SPECC1: variants seen among roughly 807,000 people sequenced by gnomAD.
SPECC1 encodes cytospin-B.
A neutral mutation model predicts 104.1 loss-of-function variants in SPECC1; 62 were observed. That is an observed-to-expected ratio of 0.60 (90% CI 0.49 to 0.74). The LOEUF (loss-of-function observed/expected upper bound fraction) is 0.74. Among genes scored for constraint, SPECC1 ranks in the 30% least tolerant of loss-of-function variants. SPECC1 has a pLI of 0.00. For missense variants in SPECC1, 1,306 were observed against 1,310.5 expected (o/e 1.00, Z 0.05); for synonymous variants, 513 against 501.6 (o/e 1.02, Z -0.30).
chr17:20,043,118 C>T (rs1227543462), intron 1 of SPECC1, among the ~76,000 whole-genome samples: 1 of 152,174 alleles, frequency 6.6e-6, no homozygotes, highest in African/African-American at 2.4e-5. Context: ...TGGAGCGTCT[C>T]ATGGTCAGAA....
At chr17:20,068,973 A>G (rs1186805863) in intron 1 of SPECC1, among the ~76,000 whole-genome samples, 1 of 151,880 alleles carries the variant, frequency 6.6e-6, no homozygotes, top group Admixed American at 6.6e-5. Context: ...CTTTTTTTTA[A>G]CTTATTTTAG....
intron 9 of SPECC1, among the ~76,000 whole-genome samples, chr17:20,249,833 C>G (rs977780152): frequency 3.9e-5 from 6 of 152,052 alleles, no homozygotes; most frequent in South Asian, 2.1e-4. Context: ...ATAAAAAAAT[C>G]TCATGTGTAA....
At chr17:20,231,721 A>G (rs1370254055) in intron 5 of SPECC1, 37 bp from the exon 6 acceptor site, 11 of 1,603,126 alleles carry the variant, frequency 6.9e-6, no homozygotes, top group South Asian at 1.1e-5. Context: ...AGAGTCTCAC[A>G]GCTTTTCTAA....
chr17:20,309,068 T>C (rs1795024199), intron 14 of SPECC1, among the ~76,000 whole-genome samples: 1 of 152,218 alleles, frequency 6.6e-6, no homozygotes, highest in Non-Finnish European at 1.5e-5. Flanking sequence ...GTGGATGGTC[T>C]GTGAGGAGCT....
chr17:20,311,100 GGTTT>G (rs1481469928), intron 14 of SPECC1, among the ~76,000 whole-genome samples: 31 of 130,966 alleles, frequency 2.4e-4, no homozygotes, highest in African/African-American at 8.2e-4. Flanking sequence ...ACCTTAGTGG[GGTTT>G]TTTTTTTTTT....
At chr17:20,269,809 C>G (rs537034438) in intron 12 of SPECC1, among the ~76,000 whole-genome samples, 2 of 152,322 alleles carry the variant, frequency 1.3e-5, no homozygotes, top group East Asian at 3.9e-4. Flanking sequence ...TTTCCCTTTG[C>G]TGATCTGGCT....
At position 20,142,956 on chromosome 17, in the gene SPECC1, C is replaced by T. The variant is rs565874132; in HGVS notation, c.283+32394C>T. Among the ~76,000 whole-genome samples, 79 of 151,514 alleles carry T rather than the reference C, an allele frequency of 5.2e-4. 1 individual carries two copies. The highest frequency in any genetic ancestry group is 1.4e-3 in the African/African-American group (57 of 41,290). ...TGGAGGTTTCAGTGAGCTGAGATCG[C>T]GCCACTGTACTCTAGCCTTGGTTGA... On this transcript the variant is annotated intron_variant, in intron 3 of 14. Transcript: ENST00000395527.
At chr17:20,042,693 C>T (rs376910714) in intron 1 of SPECC1, among the ~76,000 whole-genome samples, 5 of 152,332 alleles carry the variant, frequency 3.3e-5, no homozygotes, top group Admixed American at 1.3e-4. Flanking sequence ...TAGACTGTCT[C>T]CTTCCTGGTC....
At chr17:20,227,220 C>T (rs1353436959) in intron 4 of SPECC1, among the ~76,000 whole-genome samples, 193 bp from the exon 5 acceptor site, 2 of 152,162 alleles carry the variant, frequency 1.3e-5, no homozygotes, top group Non-Finnish European at 2.9e-5. Flanking sequence ...GGCGTCTTTG[C>T]TACTATGTCC....
chr17:20,296,045 T>G (rs2041339083), intron 12 of SPECC1, among the ~76,000 whole-genome samples: 1 of 152,248 alleles, frequency 6.6e-6, no homozygotes, highest in Admixed American at 6.5e-5. Flanking sequence ...TTTGTCTATT[T>G]TGGCTTTTGT....
intron 5 of SPECC1, among the ~76,000 whole-genome samples, chr17:20,230,395 G>A (rs1348885678): frequency 6.6e-6 from 1 of 152,182 alleles, no homozygotes; most frequent in Non-Finnish European, 1.5e-5. Context: ...AGCGTTCAGT[G>A]TCAGTGCCAT....
chr17:20,077,879 T>C (rs2046822177), intron 1 of SPECC1, among the ~76,000 whole-genome samples: 1 of 152,106 alleles, frequency 6.6e-6, no homozygotes, highest in South Asian at 2.1e-4. Flanking sequence ...CCTTAACTTC[T>C]CTGTCCCTCA....
Position 20,028,106 on chromosome 17 carries a change from G to A in SPECC1, c.-22+18682G>A, listed in dbSNP as rs574030403. Among the ~76,000 whole-genome samples, 12 of 152,244 alleles carry A rather than the reference G, an allele frequency of 7.9e-5. No individual in the cohort carries two copies. In the East Asian group the frequency reaches 2.1e-3, roughly 27 times the overall value. On this transcript the variant is annotated intron_variant, in intron 1 of 14. Transcript: ENST00000395527. ...ATTAATTTTTGCATATGGTGTGATG[G>A]AGGGTCCAACTTCATTTTTTTTTTC...
intron 1 of SPECC1, among the ~76,000 whole-genome samples, chr17:20,090,213 G>A (rs911261463): frequency 3.3e-5 from 5 of 152,184 alleles, no homozygotes; most frequent in Admixed American, 6.5e-5. Flanking sequence ...CTCTGCACCA[G>A]CGCAGGCGAC....
chr17:20,193,804 G>C (rs1357464589), intron 3 of SPECC1, among the ~76,000 whole-genome samples: 3 of 152,192 alleles, frequency 2.0e-5, no homozygotes, highest in Non-Finnish European at 4.4e-5. Flanking sequence ...GAATTAAGCT[G>C]ATATAGGGTT....
At chr17:20,299,555 C>CAAAAAAAA (rs57493380) in intron 13 of SPECC1, among the ~76,000 whole-genome samples, 20 of 40,322 alleles carry the variant, frequency 5.0e-4, no homozygotes, top group African/African-American at 1.6e-3. Context: ...GACCCTGTCT[C>CAAAAAAAA]AAAAAAAAAA....
chr17:20,130,832 A>T (rs190475655), intron 3 of SPECC1, among the ~76,000 whole-genome samples: 1 of 152,324 alleles, frequency 6.6e-6, no homozygotes, highest in East Asian at 1.9e-4. Flanking sequence ...TGTTTTTACT[A>T]TGTTGAATCT....
intron 12 of SPECC1, among the ~76,000 whole-genome samples, chr17:20,291,106 G>A (rs937065153): frequency 5.3e-5 from 8 of 152,234 alleles, no homozygotes; most frequent in Admixed American, 2.6e-4. Flanking sequence ...TGGGGCGGTA[G>A]CATTCACCAG....
At chr17:20,148,567 A>G (rs1417201075) in intron 3 of SPECC1, among the ~76,000 whole-genome samples, 1 of 151,204 alleles carries the variant, frequency 6.6e-6, no homozygotes, top group African/African-American at 2.4e-5. Context: ...AGGACAAGCA[A>G]TAAAAGAACT....
Sources: allele counts gnomAD v4.1 joint callset (sites outside exome capture counted in the v4.1 genomes callset), GRCh38; gene constraint gnomAD v4.1.1; transcripts MANE v1.5; gene names NCBI Gene and HGNC (gene_info 2026-07-23, HGNC 2026-07-21).